The following VAV1 variants were observed in gnomAD, a reference collection of about 807,000 sequenced individuals.
VAV1 encodes vav guanine nucleotide exchange factor 1.
In VAV1, 33 loss-of-function variants were observed where a neutral mutation model predicts 128.1. That is an observed-to-expected ratio of 0.26 (90% CI 0.20 to 0.34). The LOEUF is 0.34. VAV1 is among the 10% of genes least tolerant of loss of function. VAV1 has a pLI of 1.00. For synonymous variants in VAV1, 394 were observed against 409.8 expected, an observed-to-expected ratio of 0.96 and a Z score of 0.47; for missense variants, 715 against 1,093.7, an observed-to-expected ratio of 0.65 and a Z score of 4.88.
At position 6,820,162 on chromosome 19, in the gene VAV1, T is replaced by C. The variant is rs1483875131; in HGVS notation, c.205-540T>C. Reference sequence around the variant, plus strand: ...AGCGAGACCTCGTCTCTACAAAAAATACAGAAATTAGCTGGGTGTTGCGAC... The same window carrying C: ...AGCGAGACCTCGTCTCTACAAAAAACACAGAAATTAGCTGGGTGTTGCGAC... On this transcript the variant is annotated intron_variant, in intron 1 of 26. Transcript: ENST00000602142. This position sits in a 1 kb window ranked among gnomAD's most constrained non-coding sequence, Gnocchi z 4.4. Among the ~76,000 whole-genome samples, 1 of 152,082 alleles carries C rather than the reference T, an allele frequency of 6.6e-6. No homozygotes were observed. Among genetic ancestry groups the C allele is most frequent in the Non-Finnish European group, 1.5e-5 (1 of 68,016 alleles).
At chr19:6,785,323 A>G (rs975481988) in intron 1 of VAV1, among the ~76,000 whole-genome samples, 22 of 151,648 alleles carry the variant, frequency 1.5e-4, no homozygotes, top group African/African-American at 5.1e-4. Flanking sequence ...GACATGAGCC[A>G]CTTCACCTTT....
intron 1 of VAV1, among the ~76,000 whole-genome samples, chr19:6,789,593 CTCCTTCCT>C (rs1555698635): frequency 6.7e-6 from 1 of 149,992 alleles, no homozygotes; most frequent in East Asian, 2.0e-4. Context: ...TTTTCTTTCC[CTCCTTCCT>C]TCCTTCCTTC....
chr19:6,837,417 C>A (rs1400448031), intron 21 of VAV1, among the ~76,000 whole-genome samples: 1 of 152,050 alleles, frequency 6.6e-6, no homozygotes, highest in Non-Finnish European at 1.5e-5. Context: ...TTGCCCTGCT[C>A]CTGGTGGACA....
intron 8 of VAV1, 37 bp downstream of exon 8, chr19:6,825,443 A>G: frequency 6.4e-7 from 1 of 1,571,464 alleles, no homozygotes; most frequent in African/African-American, 1.4e-5. Flanking sequence ...CTCTGGGGTC[A>G]CTCTGTCTTG....
chr19:6,850,898 T>A, intron 24 of VAV1, 141 bp downstream of exon 24: 1 of 672,992 alleles, frequency 1.5e-6, no homozygotes, highest in Non-Finnish European at 2.5e-6. Context: ...CTTAAACTTA[T>A]GCTCTTAATG....
rs145542797 is a variant in VAV1, at chr19:6,820,607, C to T, written c.205-95C>T. On this transcript the variant is annotated intron_variant, in intron 1 of 26. Transcript: ENST00000602142. This position sits in a 1 kb window ranked among gnomAD's most constrained non-coding sequence, Gnocchi z 4.4. ...GGAAGAGGGTCTGTGCTTTCATTTC[C>T]CCTCCACACCAGTCCCCAAGCTAGG... is the stretch of plus-strand genomic sequence containing the variant. 2.2e-4 allele frequency: 193 copies of T among 889,538 alleles called. 1 individual carries two copies. Among genetic ancestry groups the T allele is most frequent in the African/African-American group, 1.7e-3 (100 of 60,462 alleles). The allele number at this position is 889,538 out of a possible 1,614,324, so 55.1% of individuals were successfully genotyped here. A position where few individuals can be genotyped will look rare whatever the true frequency, so the allele number is the denominator to read the frequency against.
At chr19:6,818,947 CT>C in intron 1 of VAV1, among the ~76,000 whole-genome samples, 1 of 152,134 alleles carries the variant, frequency 6.6e-6, no homozygotes, top group East Asian at 1.9e-4. Context: ...GAAACCTCAT[CT>C]CTACTAAAAA....
intron 1 of VAV1, among the ~76,000 whole-genome samples, chr19:6,797,052 C>G (rs1971151865): frequency 6.6e-6 from 1 of 151,746 alleles, no homozygotes. Context: ...GCCAACGTGA[C>G]AAAACCCTGT....
chr19:6,816,973 T>C (rs1010189471), intron 1 of VAV1, among the ~76,000 whole-genome samples: 1 of 151,986 alleles, frequency 6.6e-6, no homozygotes, highest in Admixed American at 6.6e-5. Flanking sequence ...CAAAAGGGTA[T>C]AAACACTGAC....
intron 4 of VAV1, 34 bp downstream of exon 4, chr19:6,821,893 T>C (rs750453895): frequency 1.2e-6 from 2 of 1,613,730 alleles, no homozygotes. Flanking sequence ...CACAGCTCAC[T>C]GGAGCACCGT....
intron 22 of VAV1, among the ~76,000 whole-genome samples, chr19:6,844,517 G>A (rs1360199119): frequency 1.3e-5 from 2 of 152,102 alleles, no homozygotes; most frequent in Non-Finnish European, 2.9e-5. Flanking sequence ...TCGCCCAGCC[G>A]ACGCTCCCAT....
At chr19:6,821,118 AGGGCC>A (rs1971771588) in intron 2 of VAV1, among the ~76,000 whole-genome samples, 1 of 152,132 alleles carries the variant, frequency 6.6e-6, no homozygotes, top group Non-Finnish European at 1.5e-5. Flanking sequence ...AGAAAGATAG[AGGGCC>A]GGGCGCAGTG....
chr19:6,817,214 A>AT (rs899974541), intron 1 of VAV1, among the ~76,000 whole-genome samples: 8 of 151,360 alleles, frequency 5.3e-5, no homozygotes, highest in Non-Finnish European at 7.4e-5. Flanking sequence ...TGCCTGGCTA[A>AT]TTTTTTTTGT....
rs75222175 is a variant in VAV1, at chr19:6,840,256, T to G, written c.1981-2879T>G. Among the ~76,000 whole-genome samples, 1,520 of 152,196 alleles carry G rather than the reference T, an allele frequency of 1.0e-2. 23 individuals are homozygous for G. Among genetic ancestry groups the G allele is most frequent in the African/African-American group, 0.035 (1,443 of 41,528 alleles). Reference sequence around the variant, plus strand: ...GTCTAGCTTGTTTCACTTGGCATAATGTATTCAAGGCTCATCCATGTTGTG... The same window carrying G: ...GTCTAGCTTGTTTCACTTGGCATAAGGTATTCAAGGCTCATCCATGTTGTG... On this transcript the variant is annotated intron_variant, in intron 21 of 26. Coordinates refer to ENST00000602142, the MANE Select transcript of VAV1 (RefSeq NM_005428.4).
intron 1 of VAV1, among the ~76,000 whole-genome samples, chr19:6,812,376 C>T (rs1033089468): frequency 2.0e-5 from 3 of 152,024 alleles, no homozygotes; most frequent in Non-Finnish European, 2.9e-5. Context: ...AAAAATTGAC[C>T]GGGTGCAGTG....
chr19:6,850,730 A>G lies in VAV1; in HGVS notation c.2190A>G (p.Thr730=). The part of the protein sequence containing the change: ...IMTAEGLYRI[T]EKKAFRGLTE... ...CAGCAGAAGGACTGTACCGGATCAC[A>G]GAGAAAAAGGCTTTCCGGGGGCTTA... Residue 730 remains threonine, a synonymous_variant, in exon 24 of 27, where the codon ACA becomes ACG. Coordinates refer to ENST00000602142, the MANE Select transcript of VAV1 (RefSeq NM_005428.4). 1 of 1,614,082 alleles carries G rather than the reference A, an allele frequency of 6.2e-7. No individual in the cohort carries two copies. Among genetic ancestry groups the G allele is most frequent in the Non-Finnish European group, 8.5e-7 (1 of 1,180,006 alleles).
chr19:6,826,922 A>C lies in VAV1; in HGVS notation c.927+211A>C. 1 of 587,570 alleles carries C rather than the reference A, an allele frequency of 1.7e-6. No individual in the cohort carries two copies. The highest frequency in any genetic ancestry group is 3.0e-6 in the Non-Finnish European group (1 of 327,876). 36.4% of individuals were successfully genotyped at this position (587,570 alleles called of 1,614,324 possible). Reference sequence around the variant, plus strand: ...GGCCCTGGGTCTGGGCTGACCCCTGATATCAGGGTGAAGTCCTGACCCTGA... The same window carrying C: ...GGCCCTGGGTCTGGGCTGACCCCTGCTATCAGGGTGAAGTCCTGACCCTGA... On this transcript the variant is annotated intron_variant, in intron 9 of 26. Transcript: ENST00000602142. The surrounding 1 kb of genome is among the most constrained non-coding windows in gnomAD (Gnocchi z 4.1).
At chr19:6,792,943 G>C (rs1008480970) in intron 1 of VAV1, among the ~76,000 whole-genome samples, 46 of 152,112 alleles carry the variant, frequency 3.0e-4, no homozygotes, top group Non-Finnish European at 4.7e-4. Context: ...GAGACCGAGG[G>C]ACTCAGTGCT....
chr19:6,855,802 CATCTATCTATCTATCTATCTATCT>C lies in VAV1; in HGVS notation c.2485-1232_2485-1209del, dbSNP rs58591070. Among the ~76,000 whole-genome samples the C allele has an allele frequency of 4.0e-5, 6 of 149,490 alleles. No homozygotes were observed. In the South Asian group the frequency reaches 6.4e-4, roughly 16 times the overall value. On this transcript the variant is annotated intron_variant, in intron 26 of 26. Coordinates refer to ENST00000602142, the MANE Select transcript of VAV1 (RefSeq NM_005428.4). ...CAACCCAAGTATCCATCCACCCATT[CATCTATCTATCTATCTATCTATCT>C]ATCTATCTATCTATCTATCCATTCA...
Sources: allele counts gnomAD v4.1 joint callset (sites outside exome capture counted in the v4.1 genomes callset), GRCh38; gene constraint gnomAD v4.1.1; non-coding constraint Gnocchi (gnomAD v3.1); transcripts MANE v1.5; gene names NCBI Gene and HGNC (gene_info 2026-07-23, HGNC 2026-07-21).